Variants in PIK3C2B observed in about 807,000 individuals in gnomAD.
The protein encoded by PIK3C2B is phosphatidylinositol-4-phosphate 3-kinase catalytic subunit type 2 beta.
A neutral mutation model predicts 184.3 loss-of-function variants in PIK3C2B; 83 were observed. The observed-to-expected ratio is 0.45, with a 90% CI of 0.38 to 0.54. PIK3C2B has a LOEUF of 0.54. Among genes scored for constraint, PIK3C2B ranks in the 20% least tolerant of loss-of-function variants. The pLI is 0.00. For missense variants in PIK3C2B, 1,736 were observed against 2,113.5 expected, an observed-to-expected ratio of 0.82 and a Z score of 3.50; for synonymous variants, 779 against 837.6, an observed-to-expected ratio of 0.93 and a Z score of 1.21.
rs757561023 is a variant in PIK3C2B, at chr1:204,430,051, C to T, written c.4281-13G>A. On this transcript the variant is annotated splice_polypyrimidine_tract_variant and intron_variant, in intron 28 of 32. Coordinates refer to ENST00000684373, the MANE Select transcript of PIK3C2B (RefSeq NM_001377334.1). ...GCGACTAGGGAAGCTGGCGTGGCAG[C>T]GTAGGCAGCGGGGATGCAGGAGGTG... The T allele has an allele frequency of 1.1e-5, 17 of 1,557,392 alleles. No individual in the cohort carries two copies. The highest frequency in any genetic ancestry group is 1.4e-5 in the Non-Finnish European group (16 of 1,136,954).
chr1:204,456,143 G>A, intron 10 of PIK3C2B, 92 bp from the exon 11 acceptor site: 14 of 994,906 alleles, frequency 1.4e-5, no homozygotes, highest in Non-Finnish European at 2.1e-5. Context: ...GATGGCCTAA[G>A]ACAGTGGTCC....
rs573316138 is a variant in PIK3C2B at position 204,431,554 on chromosome 1, C to A, written c.4280+115G>T. On this transcript the variant is annotated intron_variant, in intron 28 of 32. Coordinates refer to ENST00000684373, the MANE Select transcript of PIK3C2B (RefSeq NM_001377334.1). ...TCCATACCAGGCCAAGCAAAGCAGGCAGATGTTTAGTCCAAAAGGGTATTT... is the reference window on the plus strand; with the variant it reads ...TCCATACCAGGCCAAGCAAAGCAGGAAGATGTTTAGTCCAAAAGGGTATTT... The A allele has an allele frequency of 7.9e-5, 103 of 1,305,616 alleles. 1 individual carries two copies. The South Asian group carries it at 1.1e-3, about 15-fold the overall frequency. The allele number at this position is 1,305,616 out of a possible 1,614,324, so 80.9% of individuals were successfully genotyped here. A position where few individuals can be genotyped will look rare whatever the true frequency, so the allele number is the denominator to read the frequency against.
chr1:204,472,507 G>C (rs1021774700), intron 1 of PIK3C2B, among the ~76,000 whole-genome samples: 1 of 150,884 alleles, frequency 6.6e-6, no homozygotes, highest in African/African-American at 2.4e-5. Context: ...GGCCGGATAC[G>C]GTGGCTCACG....
chr1:204,450,105 C>T (rs1275072213), intron 12 of PIK3C2B, 88 bp from the exon 13 acceptor site: 1 of 1,144,876 alleles, frequency 8.7e-7, no homozygotes, highest in Non-Finnish European at 1.2e-6. Flanking sequence ...GAGGCTGAGG[C>T]TGAGGATACA....
At position 204,460,628 on chromosome 1, in the gene PIK3C2B, T is replaced by C. The variant is rs61740681; in HGVS notation, c.1344A>G (p.Gln448=). The C allele has an allele frequency of 3.7e-3, 5,924 of 1,613,806 alleles. 14 individuals carry two copies. The highest frequency in any genetic ancestry group is 4.7e-3 in the Non-Finnish European group (5,552 of 1,179,718). The change falls in exon 6 of 33, where the codon CAA becomes CAG. Residue 448 remains glutamine (Q), a synonymous_variant. Transcript: ENST00000684373. ...KHALGSHEYI[Q]YCRKFDIDIR... The stretch of plus-strand genomic sequence containing the variant: ...TGTCAATGTCAAACTTGCGGCAGTA[T>C]TGGATGTACTCATGACTGCCCAAGG...
At position 204,456,894 on chromosome 1, in the gene PIK3C2B, ACACACACACACACC is replaced by A. The variant is rs1237760796; in HGVS notation, c.1747+129_1747+142del. The A allele has an allele frequency of 2.0e-3, 1,117 of 549,782 alleles. 3 individuals carry two copies. Among genetic ancestry groups the A allele is most frequent in the African/African-American group, 0.013 (521 of 41,632 alleles). The allele number at this position is 549,782 out of a possible 1,614,324, so 34.1% of individuals were successfully genotyped here. A position where few individuals can be genotyped will look rare whatever the true frequency, so the allele number is the denominator to read the frequency against. ...TAGGAACACACACACACACACACAC[ACACACACACACACC>A]CACACACACACACACACCAGCCGAA... On this transcript the variant is annotated intron_variant, in intron 10 of 32. Transcript: ENST00000684373.
In PIK3C2B at chr1:204,457,059, G is replaced by T; in HGVS notation, c.1725C>A (p.Val575=). ...MQPKIQKDPS[V]LAVRENREKV... is the part of the protein sequence containing the mutation. ...TACCTCGGTTTTCCCTCACAGCCAA[G>T]ACACTGGGATCCTGTTGGGAAAAAG... Residue 575 remains valine (V), a synonymous_variant, in exon 10 of 33, where the codon GTC becomes GTA. Coordinates refer to ENST00000684373, the MANE Select transcript of PIK3C2B (RefSeq NM_001377334.1). The T allele has an allele frequency of 6.4e-7, 1 of 1,565,892 alleles. No individual in the cohort carries two copies. Among genetic ancestry groups the T allele is most frequent in the South Asian group, 1.2e-5 (1 of 84,866 alleles).
chr1:204,479,611 T>A (rs1454032416), intron 1 of PIK3C2B, among the ~76,000 whole-genome samples: 1 of 151,870 alleles, frequency 6.6e-6, no homozygotes, highest in African/African-American at 2.4e-5. Flanking sequence ...ATGGGTGGAG[T>A]TAGAGACGAA....
At chr1:204,454,893 T>G (rs953393383) in intron 11 of PIK3C2B, 102 bp from the exon 12 acceptor site, 20 of 1,332,210 alleles carry the variant, frequency 1.5e-5, no homozygotes, top group Non-Finnish European at 4.1e-6. Context: ...CTGGTAAAAC[T>G]CTCAGTCTCT....
At chr1:204,438,542 G>C (rs1675474926) in intron 23 of PIK3C2B, among the ~76,000 whole-genome samples, 1 of 152,152 alleles carries the variant, frequency 6.6e-6, no homozygotes, top group Non-Finnish European at 1.5e-5. Context: ...GGCATAAAAT[G>C]ATCTCTAAAG....
chr1:204,488,058 G>C (rs983925734), intron 1 of PIK3C2B, among the ~76,000 whole-genome samples: 1 of 152,110 alleles, frequency 6.6e-6, no homozygotes, highest in African/African-American at 2.4e-5. Context: ...AATTTTGTCT[G>C]GTATTATTAT....
rs1653661157 is a variant in PIK3C2B at position 204,444,333 on chromosome 1, G to C, written c.2770C>G (p.Gln924Glu). 1 of 1,611,320 alleles carries C rather than the reference G, an allele frequency of 6.2e-7. No individual in the cohort carries two copies. The highest frequency in any genetic ancestry group is 8.5e-7 in the Non-Finnish European group (1 of 1,177,588). Residue 924 changes from glutamine (Q) to glutamate (E), a missense_variant and splice_region_variant, in exon 17 of 33, where the codon CAG (glutamine) becomes GAG (glutamate). This residue lies in a region of PIK3C2B where 289 missense variants were observed against 380.4 expected (regional missense o/e 0.76). Transcript: ENST00000684373. ...ELLDYLPQLV[Q>E]ALKYECYLDS... ...GGAGGGAGGACCAATCCACCCACCT[G>C]TACCAGCTGGGGCAGGTAGTCTAGC...
At chr1:204,493,215 G>C (rs1031252729) in intron 1 of PIK3C2B, among the ~76,000 whole-genome samples, 1 of 152,172 alleles carries the variant, frequency 6.6e-6, no homozygotes, top group Non-Finnish European at 1.5e-5. Flanking sequence ...AGTACAAATT[G>C]CTTACATCTG....
intron 1 of PIK3C2B, among the ~76,000 whole-genome samples, chr1:204,474,705 T>C (rs1158633971): frequency 6.6e-6 from 1 of 152,084 alleles, no homozygotes; most frequent in Non-Finnish European, 1.5e-5. Flanking sequence ...GGCAATCTCA[T>C]CTATTCTTGT....
chr1:204,466,978 C>T (rs1453794227), intron 2 of PIK3C2B: 2 of 520,066 alleles, frequency 3.8e-6, no homozygotes, highest in Admixed American at 2.0e-5. Context: ...CCAAGGGGTC[C>T]CCCCTCCCAG....
chr1:204,473,232 G>A (rs1656438662), intron 1 of PIK3C2B, among the ~76,000 whole-genome samples: 1 of 152,228 alleles, frequency 6.6e-6, no homozygotes. Flanking sequence ...TATAGGCACA[G>A]GACCCTGGTC....
In PIK3C2B at chr1:204,459,829, A is replaced by AGAG. The variant is rs529147769; in HGVS notation, c.1566+46_1566+48dup. 1,979 of 1,471,086 alleles carry AGAG rather than the reference A, an allele frequency of 1.3e-3. 17 individuals are homozygous for AGAG. Among genetic ancestry groups the AGAG allele is most frequent in the Admixed American group, 0.011 (638 of 59,746 alleles). The allele number at this position is 1,471,086 out of a possible 1,614,324, so 91.1% of individuals were successfully genotyped here. A position where few individuals can be genotyped will look rare whatever the true frequency, so the allele number is the denominator to read the frequency against. ...GATCCCAGGAGGACTGAGGAAGGGGAGAGGAGGAGCTTTCGGGCAGCAGGG... is the reference window on the plus strand; with the variant it reads ...GATCCCAGGAGGACTGAGGAAGGGGAGAGGAGGAGGAGCTTTCGGGCAGCAGGG... On this transcript the variant is annotated intron_variant, in intron 8 of 32. Transcript: ENST00000684373.
chr1:204,441,246 G>A (rs963996726), intron 21 of PIK3C2B, among the ~76,000 whole-genome samples: 2 of 152,140 alleles, frequency 1.3e-5, no homozygotes, highest in East Asian at 1.9e-4. Context: ...AAAGCACTTC[G>A]GGATACTGAG....
At chr1:204,457,096 G>C in intron 9 of PIK3C2B, 26 bp from the exon 10 acceptor site, 1 of 1,556,184 alleles carries the variant, frequency 6.4e-7, no homozygotes, top group South Asian at 1.2e-5. Context: ...AGAGGGAGGG[G>C]AGCTTCAGGG....
Sources: gnomAD v4.1 joint callset for allele counts (sites outside exome capture counted in the v4.1 genomes callset) on GRCh38, gnomAD v4.1.1 for gene constraint, gnomAD v4.1.1 regional missense constraint, MANE v1.5 for transcripts, NCBI Gene and HGNC (gene_info 2026-07-23, HGNC 2026-07-21) for gene names.